The following DMD variants were observed in gnomAD, a reference collection of about 807,000 sequenced individuals.
The protein encoded by DMD is dystrophin, also known as mutant dystrophin.
In DMD, 63 loss-of-function variants were observed where a neutral mutation model predicts 330.1. The observed-to-expected ratio is 0.19, with a 90% confidence interval of 0.16 to 0.24. The LOEUF is 0.24. Ranked by LOEUF, DMD falls within the 10% of genes least tolerant of loss-of-function variation. The pLI, the probability that DMD is intolerant of heterozygous loss-of-function variation, is 1.00. For synonymous variants in DMD, 1,223 were observed against 959.8 expected (o/e 1.27, Z -5.07); for missense variants, 3,344 against 2,684.1 (o/e 1.25, Z -5.43).
At chrX:31,964,382 C>A (rs1391212274) in intron 45 of DMD, among the ~76,000 whole-genome samples, 1 of 110,437 alleles carries the variant, frequency 9.1e-6, no homozygotes, top group Non-Finnish European at 1.9e-5. Flanking sequence ...GTACTAACTC[C>A]CCTGCAAAAT....
intron 52 of DMD, among the ~76,000 whole-genome samples, chrX:31,726,698 T>C (rs2086082560): frequency 8.9e-6 from 1 of 112,047 alleles, no homozygotes; most frequent in Non-Finnish European, 1.9e-5. Flanking sequence ...AATGACATTG[T>C]TTAGATAAAC....
chrX:32,466,774 T>G, intron 23 of DMD, among the ~76,000 whole-genome samples: 1 of 111,551 alleles, frequency 9.0e-6, no homozygotes, highest in Non-Finnish European at 1.9e-5. Flanking sequence ...CAAGGAATGC[T>G]TCTAGAAGCT....
In DMD at chrX:33,218,548, A is replaced by T. The variant is rs185605447; in HGVS notation, c.7+120711T>A. On this transcript the variant is annotated intron_variant, in intron 1 of 17. Coordinates refer to the DMD transcript ENST00000288447. ...TTTTTAAGACTTTTTTTAAAAAAAA[A>T]ATATAACTAGTTTTCAGACATTTGA... Among the ~76,000 whole-genome samples the T allele has an allele frequency of 6.5e-4, 72 of 111,365 alleles. No homozygotes were observed. The East Asian group carries it at 0.011, about 18-fold the overall frequency.
chrX:32,281,697 TTACTTTA>T (rs2097421291), intron 43 of DMD, among the ~76,000 whole-genome samples: 1 of 112,375 alleles, frequency 8.9e-6, no homozygotes, highest in Non-Finnish European at 1.9e-5. Context: ...TATTTCTGAC[TTACTTTA>T]TACAACACTG....
chrX:31,325,807 A>G (rs2056742647), intron 61 of DMD, among the ~76,000 whole-genome samples: 1 of 111,418 alleles, frequency 9.0e-6, no homozygotes, highest in South Asian at 3.8e-4. Flanking sequence ...GAAGAAGAGA[A>G]CTCCAGAGAG....
chrX:31,876,499 G>A (rs1366095911), intron 47 of DMD, among the ~76,000 whole-genome samples: 1 of 111,408 alleles, frequency 9.0e-6, no homozygotes, highest in African/African-American at 3.3e-5. Context: ...GCATGATAAT[G>A]AATGACAATA....
At chrX:31,726,419 C>CATAT (rs2086060199) in intron 52 of DMD, among the ~76,000 whole-genome samples, 1 of 112,187 alleles carries the variant, frequency 8.9e-6, no homozygotes, top group Non-Finnish European at 1.9e-5. Context: ...GTATTACATA[C>CATAT]ATATATTAAC....
At chrX:31,345,141 G>A (rs1416814590) in intron 61 of DMD, among the ~76,000 whole-genome samples, 1 of 112,201 alleles carries the variant, frequency 8.9e-6, no homozygotes, top group Non-Finnish European at 1.9e-5. Context: ...AAGCTTTTAA[G>A]CGTATATTGA....
intron 1 of DMD, among the ~76,000 whole-genome samples, chrX:33,248,017 T>C (rs1005114358): frequency 1.8e-5 from 2 of 111,708 alleles, no homozygotes; most frequent in African/African-American, 3.2e-5. Flanking sequence ...GAATAAATAA[T>C]ATTTTATTGT....
intron 55 of DMD, among the ~76,000 whole-genome samples, chrX:31,572,599 T>C (rs2075881646): frequency 8.9e-6 from 1 of 112,490 alleles, no homozygotes; most frequent in Non-Finnish European, 1.9e-5. Flanking sequence ...TGTGTATAAA[T>C]ACCCCAGCTC....
chrX:32,453,765 C>T (rs1276091804), intron 26 of DMD, among the ~76,000 whole-genome samples: 1 of 110,779 alleles, frequency 9.0e-6, no homozygotes, highest in Non-Finnish European at 1.9e-5. Flanking sequence ...TGGCATGGGG[C>T]CGAACTAAGT....
chrX:32,698,366 T>C (rs1199882681), intron 8 of DMD, among the ~76,000 whole-genome samples: 1 of 111,594 alleles, frequency 9.0e-6, no homozygotes, highest in East Asian at 2.8e-4. Flanking sequence ...ATCAGGTCCA[T>C]ACCCTGGAAA....
At chrX:31,549,562 T>C (rs2074354224) in intron 55 of DMD, among the ~76,000 whole-genome samples, 1 of 112,266 alleles carries the variant, frequency 8.9e-6, no homozygotes, top group South Asian at 3.6e-4. Context: ...CAATCTTTTC[T>C]AAAGCCACAA....
intron 49 of DMD, among the ~76,000 whole-genome samples, chrX:31,833,383 CAGAG>C (rs1234801641): frequency 2.1e-5 from 1 of 46,607 alleles, no homozygotes; most frequent in Non-Finnish European, 4.0e-5. Flanking sequence ...GAGAGAGAGA[CAGAG>C]AGAGAGAAAG....
Position 31,323,661 on chromosome X carries a change from G to A in DMD, c.9164-3C>T, listed in dbSNP as rs1237165748. 34 of 1,207,008 alleles carry A rather than the reference G, an allele frequency of 2.8e-5. No individual in the cohort carries two copies. Among genetic ancestry groups the A allele is most frequent in the Admixed American group, 4.4e-5 (2 of 45,884 alleles). On this transcript the variant is annotated splice_polypyrimidine_tract_variant and splice_region_variant and intron_variant, in intron 61 of 78. Coordinates refer to ENST00000357033, the MANE Select transcript of DMD (RefSeq NM_004006.3). Reference sequence around the variant, plus strand: ...CTCCCAGGGACCCTGGACAGACGCTGAAAAGAAGGGAGGAAAAAAAGAAAG... The same window carrying A: ...CTCCCAGGGACCCTGGACAGACGCTAAAAAGAAGGGAGGAAAAAAAGAAAG...
chrX:32,136,919 T>G (rs1176217718), intron 44 of DMD, among the ~76,000 whole-genome samples: 3 of 110,277 alleles, frequency 2.7e-5, no homozygotes, highest in South Asian at 7.7e-4. Context: ...AGATGACGAG[T>G]TAGTGGGTGC....
At chrX:31,228,350 T>C (rs1371035173) in intron 63 of DMD, among the ~76,000 whole-genome samples, 3 of 108,518 alleles carry the variant, frequency 2.8e-5, no homozygotes, top group African/African-American at 1.0e-4. Flanking sequence ...CATACAAATG[T>C]ATATCTGGTA....
At chrX:31,440,798 T>C (rs1244448195) in intron 60 of DMD, among the ~76,000 whole-genome samples, 1 of 111,946 alleles carries the variant, frequency 8.9e-6, no homozygotes, top group Non-Finnish European at 1.9e-5. Flanking sequence ...AGGAAGAAAA[T>C]AGGACTTCAT....
At chrX:31,185,033 G>A (rs1165598925) in intron 67 of DMD, among the ~76,000 whole-genome samples, 2 of 103,919 alleles carry the variant, frequency 1.9e-5, no homozygotes, top group Non-Finnish European at 3.9e-5. Flanking sequence ...GTTAGTGGGT[G>A]CAGCACACCA....
Sources: allele counts gnomAD v4.1 joint callset (sites outside exome capture counted in the v4.1 genomes callset), GRCh38; gene constraint gnomAD v4.1.1; transcripts MANE v1.5; gene names NCBI Gene and HGNC (gene_info 2026-07-23, HGNC 2026-07-21).